The following EYS variants were observed in gnomAD, a reference collection of about 807,000 sequenced individuals.
EYS encodes the protein protein eyes shut homolog.
Under a neutral mutation model 282.1 loss-of-function variants are expected in EYS, and 250 were observed. The observed-to-expected ratio is 0.89, with a 90% confidence interval of 0.80 to 0.98. The LOEUF is 0.98. EYS is among the 50% of genes least tolerant of loss of function. The pLI, the probability that EYS is intolerant of heterozygous loss-of-function variation, is 0.00. For synonymous variants in EYS, 1,355 were observed against 1,282.9 expected (o/e 1.06, Z -1.20); for missense variants, 4,016 against 3,709.0 (o/e 1.08, Z -2.15).
intron 26 of EYS, among the ~76,000 whole-genome samples, chr6:64,491,706 A>G (rs1256679779): frequency 6.6e-6 from 1 of 151,036 alleles, no homozygotes; most frequent in Admixed American, 6.6e-5. Flanking sequence ...ATTGCCTGAG[A>G]TAACACATAT....
At chr6:65,330,008 T>A in intron 11 of EYS, 1 of 984,012 alleles carries the variant, frequency 1.0e-6, no homozygotes. Context: ...AGGAAACAGG[T>A]TAAATTTAAA....
At chr6:64,314,374 A>G (rs891512953) in intron 29 of EYS, among the ~76,000 whole-genome samples, 4 of 152,088 alleles carry the variant, frequency 2.6e-5, no homozygotes, top group African/African-American at 9.7e-5. Context: ...GAGCACCCAG[A>G]TTTATAAAGC....
intron 35 of EYS, among the ~76,000 whole-genome samples, chr6:63,920,385 T>C (rs1764537038): frequency 6.6e-6 from 1 of 152,204 alleles, no homozygotes; most frequent in Non-Finnish European, 1.5e-5. Flanking sequence ...GAAGTCAGTG[T>C]ATTTTCCTCC....
intron 24 of EYS, among the ~76,000 whole-genome samples, chr6:64,604,499 C>T (rs628210): frequency 0.021 from 3,251 of 152,076 alleles, 131 homozygotes; most frequent in African/African-American, 0.074. Flanking sequence ...AGCACACAAG[C>T]TCCATCTAAG....
chr6:64,902,481 A>T lies in EYS; in HGVS notation c.2661T>A (p.Cys887Ter). The T allele has an allele frequency of 6.5e-7, 1 of 1,535,452 alleles. No homozygotes were observed. The highest frequency in any genetic ancestry group is 8.8e-7 in the Non-Finnish European group (1 of 1,142,472). ...AGAGGCAGTCTTTCACATCAATTTCACAGTTTTTACCTTCAAATTCTGCAA... is the reference window on the plus strand; with the variant it reads ...AGAGGCAGTCTTTCACATCAATTTCTCAGTTTTTACCTTCAAATTCTGCAA... The part of the protein sequence containing the change: ...ICREEFEGKN[C>*]EIDVKDCLFL... Residue 887 changes from cysteine to a stop codon, truncating the protein, a stop_gained, in exon 17 of 43, where the codon TGT becomes TGA. Coordinates refer to ENST00000503581, the MANE Select transcript of EYS (RefSeq NM_001142800.2). LOFTEE classifies it high-confidence loss of function.
At chr6:65,402,724 T>C (rs1766566241) in intron 6 of EYS, 119 bp from the exon 7 acceptor site, 2 of 643,946 alleles carry the variant, frequency 3.1e-6, no homozygotes, top group Admixed American at 5.4e-5. Context: ...AGAAATTATC[T>C]GTCAGCAATG....
chr6:65,568,576 A>T (rs1202958382), intron 2 of EYS, among the ~76,000 whole-genome samples: 1 of 152,182 alleles, frequency 6.6e-6, no homozygotes, highest in African/African-American at 2.4e-5. Flanking sequence ...TATACTTTAA[A>T]TTAAAAACAG....
intron 14 of EYS, among the ~76,000 whole-genome samples, chr6:64,990,450 A>G (rs1425970684): frequency 2.0e-5 from 3 of 151,658 alleles, no homozygotes; most frequent in Non-Finnish European, 4.4e-5. Flanking sequence ...TATCACAAAT[A>G]ATAACGGTAA....
At chr6:65,265,836 T>C (rs1767739084) in intron 12 of EYS, among the ~76,000 whole-genome samples, 1 of 151,938 alleles carries the variant, frequency 6.6e-6, no homozygotes, top group South Asian at 2.1e-4. Context: ...CCATTTAACC[T>C]AGGATTCTAT....
At chr6:65,637,481 G>T (rs150896642) in intron 2 of EYS, among the ~76,000 whole-genome samples, 6 of 152,274 alleles carry the variant, frequency 3.9e-5, no homozygotes, top group Non-Finnish European at 7.4e-5. Context: ...GAGCAGGCGA[G>T]AGCCCAGACC....
intron 23 of EYS, among the ~76,000 whole-genome samples, chr6:64,620,495 G>A (rs974339524): frequency 6.6e-6 from 1 of 152,100 alleles, no homozygotes; most frequent in Non-Finnish European, 1.5e-5. Context: ...CTCCAGTTTT[G>A]AAGGATTCTG....
At position 64,222,905 on chromosome 6, in the gene EYS, T is replaced by C. The variant is rs370001235; in HGVS notation, c.6424+7687A>G. 3.8e-4 allele frequency among the ~76,000 whole-genome samples: 58 copies of C among 151,904 alleles called. No individual in the cohort carries two copies. In the East Asian group the frequency reaches 8.1e-3, roughly 21 times the overall value. Reference sequence around the variant, plus strand: ...TTCAGTAATTTGTTTTAGTCTTATATTAAGTCCAAGAAAATTATCGGTACT... The same window carrying C: ...TTCAGTAATTTGTTTTAGTCTTATACTAAGTCCAAGAAAATTATCGGTACT... On this transcript the variant is annotated intron_variant, in intron 31 of 42. Transcript: ENST00000503581.
intron 14 of EYS, among the ~76,000 whole-genome samples, chr6:64,978,397 GAC>G (rs1361631355): frequency 4.0e-5 from 6 of 151,862 alleles, no homozygotes. Flanking sequence ...TAGACCTACT[GAC>G]CAAAAAGAAA....
At chr6:64,027,338 A>T (rs943319905) in intron 33 of EYS, among the ~76,000 whole-genome samples, 1 of 152,172 alleles carries the variant, frequency 6.6e-6, no homozygotes, top group African/African-American at 2.4e-5. Context: ...GCCTTAAGAA[A>T]ATATACTCCC....
intron 19 of EYS, among the ~76,000 whole-genome samples, chr6:64,860,949 T>C (rs1318557845): frequency 5.3e-5 from 8 of 152,150 alleles, no homozygotes; most frequent in African/African-American, 1.9e-4. Context: ...AAAGGAAGTG[T>C]GTGCTGATTG....
chr6:64,940,489 CAATT>C (rs556656587), intron 15 of EYS, among the ~76,000 whole-genome samples: 69 of 151,940 alleles, frequency 4.5e-4, no homozygotes, highest in African/African-American at 1.5e-3. Flanking sequence ...AAACAGATAA[CAATT>C]AATATTATGT....
intron 22 of EYS, among the ~76,000 whole-genome samples, chr6:64,749,879 G>A (rs1048646025): frequency 1.3e-5 from 2 of 151,914 alleles, no homozygotes; most frequent in African/African-American, 2.4e-5. Flanking sequence ...AGGCTAGTAC[G>A]TAATATATAA....
chr6:64,511,980 C>T (rs913182299), intron 26 of EYS, among the ~76,000 whole-genome samples: 2 of 152,016 alleles, frequency 1.3e-5, no homozygotes, highest in South Asian at 4.1e-4. Flanking sequence ...TCAATAGTTC[C>T]TGCTAATTGT....
At chr6:65,422,571 T>C (rs1276498194) in intron 5 of EYS, among the ~76,000 whole-genome samples, 4 of 151,802 alleles carry the variant, frequency 2.6e-5, no homozygotes, top group Non-Finnish European at 5.9e-5. Flanking sequence ...AAAGCTTTTA[T>C]ATCATCAATA....
Sources: allele counts gnomAD v4.1 joint callset (sites outside exome capture counted in the v4.1 genomes callset), GRCh38; gene constraint gnomAD v4.1.1; transcripts MANE v1.5; gene names NCBI Gene and HGNC (gene_info 2026-07-23, HGNC 2026-07-21).